PPP6R3: variants seen among roughly 807,000 people sequenced by gnomAD.
PPP6R3 encodes the protein serine/threonine-protein phosphatase 6 regulatory subunit 3.
Under a neutral mutation model 110.7 loss-of-function variants are expected in PPP6R3, and 38 were observed. The observed-to-expected ratio is 0.34, with a 90% CI of 0.26 to 0.45. The LOEUF is 0.45. Among genes scored for constraint, PPP6R3 ranks in the 20% least tolerant of loss-of-function variants. The pLI is 1.00. For missense variants in PPP6R3, 870 were observed against 1,062.4 expected, an observed-to-expected ratio of 0.82 and a Z score of 2.52; for synonymous variants, 369 against 373.5, an observed-to-expected ratio of 0.99 and a Z score of 0.14.
At chr11:68,537,133 A>G (rs753410536) in intron 2 of PPP6R3, among the ~76,000 whole-genome samples, 1 of 152,342 alleles carries the variant, frequency 6.6e-6, no homozygotes, top group Non-Finnish European at 1.5e-5. Context: ...CAGTTTCTCT[A>G]ACTCCTCAAG....
intron 13 of PPP6R3, among the ~76,000 whole-genome samples, chr11:68,575,075 G>A (rs2099525364): frequency 6.6e-6 from 1 of 152,210 alleles, no homozygotes; most frequent in African/African-American, 2.4e-5. Flanking sequence ...CTTGAGAGAG[G>A]CATAAGAGGT....
intron 1 of PPP6R3, among the ~76,000 whole-genome samples, chr11:68,468,813 GAGAT>G (rs1440498302): frequency 6.6e-6 from 1 of 152,216 alleles, no homozygotes; most frequent in Non-Finnish European, 1.5e-5. Flanking sequence ...TGGTGGAGTA[GAGAT>G]CATAAATTTG....
chr11:68,591,514 TAAGAG>T, intron 17 of PPP6R3, 57 bp from the exon 18 acceptor site: 8 of 1,462,366 alleles, frequency 5.5e-6, no homozygotes, highest in Non-Finnish European at 5.5e-6. Flanking sequence ...TGGTAATGCT[TAAGAG>T]AAGATAACTT....
At chr11:68,546,457 A>G (rs1316009082) in intron 4 of PPP6R3, among the ~76,000 whole-genome samples, 1 of 152,190 alleles carries the variant, frequency 6.6e-6, no homozygotes, top group Non-Finnish European at 1.5e-5. Context: ...CTTGCCAGTT[A>G]TGTTCTGAGA....
chr11:68,482,338 CG>C (rs1450325804), intron 1 of PPP6R3, among the ~76,000 whole-genome samples: 1 of 150,412 alleles, frequency 6.6e-6, no homozygotes, highest in Admixed American at 6.6e-5. Context: ...CGCTTGAACC[CG>C]GGAGGCAGAG....
intron 14 of PPP6R3, among the ~76,000 whole-genome samples, chr11:68,581,242 C>T (rs2099553272): frequency 6.6e-6 from 1 of 152,136 alleles, no homozygotes; most frequent in Admixed American, 6.5e-5. Flanking sequence ...TAAATATCTT[C>T]TAGTATTGCT....
chr11:68,583,021 T>A (rs1274851915), intron 14 of PPP6R3, 22 bp from the exon 15 acceptor site: 1 of 1,443,108 alleles, frequency 6.9e-7, no homozygotes, highest in Admixed American at 2.5e-5. Context: ...TTAAATAGTC[T>A]TTTACATTTT....
intron 1 of PPP6R3, among the ~76,000 whole-genome samples, chr11:68,471,269 C>T (rs1395862490): frequency 3.8e-5 from 5 of 133,080 alleles, no homozygotes; most frequent in Admixed American, 1.7e-4. Flanking sequence ...GGTGACAGAG[C>T]GAGATTCTGT....
chr11:68,473,248 A>C (rs977982602), intron 1 of PPP6R3, among the ~76,000 whole-genome samples: 1 of 152,124 alleles, frequency 6.6e-6, no homozygotes. Context: ...CTGAACATTG[A>C]ATTGATCAAC....
chr11:68,580,319 C>A (rs938201635), intron 14 of PPP6R3, among the ~76,000 whole-genome samples: 4 of 152,178 alleles, frequency 2.6e-5, no homozygotes, highest in Non-Finnish European at 5.9e-5. Flanking sequence ...AGGTTTTGAA[C>A]TAAAAAGTGC....
intron 2 of PPP6R3, among the ~76,000 whole-genome samples, chr11:68,520,590 T>C (rs2099159156): frequency 6.6e-6 from 1 of 152,138 alleles, no homozygotes; most frequent in Non-Finnish European, 1.5e-5. Flanking sequence ...TACTCAACCC[T>C]TGCAGGTTCC....
At chr11:68,472,429 A>G (rs1361918672) in intron 1 of PPP6R3, among the ~76,000 whole-genome samples, 1 of 152,176 alleles carries the variant, frequency 6.6e-6, no homozygotes, top group Non-Finnish European at 1.5e-5. Context: ...CCAGGGTACC[A>G]CCCATGTAGA....
chr11:68,507,622 C>G (rs897562470), intron 1 of PPP6R3, among the ~76,000 whole-genome samples: 1 of 152,080 alleles, frequency 6.6e-6, no homozygotes, highest in African/African-American at 2.4e-5. Flanking sequence ...AACTTGGGTG[C>G]TTTAGAAAAC....
chr11:68,462,303 C>A lies in PPP6R3; in HGVS notation c.-158+1476C>A, dbSNP rs530956481. Among the ~76,000 whole-genome samples, 4 of 152,216 alleles carry A rather than the reference C, an allele frequency of 2.6e-5. No homozygotes were observed. In the East Asian group the frequency reaches 7.7e-4, roughly 29 times the overall value. Reference sequence around the variant, plus strand: ...AAGCTCTGTGTAAGACTCAGTTGGGCTGAAAAAGTAAAACTATAAGTTATT... The same window carrying A: ...AAGCTCTGTGTAAGACTCAGTTGGGATGAAAAAGTAAAACTATAAGTTATT... On this transcript the variant is annotated intron_variant, in intron 1 of 23. Coordinates refer to ENST00000393800, the MANE Select transcript of PPP6R3 (RefSeq NM_001164161.2).
intron 20 of PPP6R3, among the ~76,000 whole-genome samples, chr11:68,600,880 G>C (rs1300168099): frequency 6.6e-6 from 1 of 152,228 alleles, no homozygotes; most frequent in African/African-American, 2.4e-5. Context: ...CAGCACCTCT[G>C]TGTGGGGTGT....
rs74235936 is a variant in PPP6R3, at chr11:68,472,885, A to G, written c.-158+12058A>G. Among the ~76,000 whole-genome samples the G allele has an allele frequency of 6.4e-4, 98 of 152,250 alleles. No homozygotes were observed. In the East Asian group the frequency reaches 0.018, roughly 28 times the overall value. Reference sequence around the variant, plus strand: ...CTTCTTTCAACTTAGCATGTTTTCAAGTTTCATCCATGTTTTAGCATGTAT... The same window carrying G: ...CTTCTTTCAACTTAGCATGTTTTCAGGTTTCATCCATGTTTTAGCATGTAT... On this transcript the variant is annotated intron_variant, in intron 1 of 23. Transcript: ENST00000393800.
At chr11:68,525,538 C>T (rs1461883552) in intron 2 of PPP6R3, among the ~76,000 whole-genome samples, 1 of 152,146 alleles carries the variant, frequency 6.6e-6, no homozygotes, top group African/African-American at 2.4e-5. Flanking sequence ...CAGTTTATTG[C>T]TGCTAGCCTG....
chr11:68,614,734 C>T lies in PPP6R3; in HGVS notation c.*1617C>T. On this transcript the variant is annotated 3_prime_UTR_variant, in exon 24 of 24. Coordinates refer to ENST00000393800, the MANE Select transcript of PPP6R3 (RefSeq NM_001164161.2). The stretch of plus-strand genomic sequence containing the variant: ...TGACCTTTGCACGCCTCCTCAGGAA[C>T]CCCCTTTCCCGGGTGAGCCCCTCTC... 6.5e-7 allele frequency: 1 copy of T among 1,533,588 alleles called. No homozygotes were observed. The highest frequency in any genetic ancestry group is 1.4e-5 in the African/African-American group (1 of 72,478). 95.0% of individuals were successfully genotyped at this position (1,533,588 alleles called of 1,614,324 possible). A position where few individuals can be genotyped will look rare whatever the true frequency, so the allele number is the denominator to read the frequency against.
chr11:68,471,916 T>TC (rs1381195168), intron 1 of PPP6R3, among the ~76,000 whole-genome samples: 2 of 149,960 alleles, frequency 1.3e-5, no homozygotes, highest in Admixed American at 1.3e-4. Flanking sequence ...GACGTTGGCT[T>TC]TTTTTTTTCT....
Sources: allele counts gnomAD v4.1 joint callset (sites outside exome capture counted in the v4.1 genomes callset), GRCh38; gene constraint gnomAD v4.1.1; transcripts MANE v1.5; gene names NCBI Gene and HGNC (gene_info 2026-07-23, HGNC 2026-07-21).